Variants in GPC5 observed in about 807,000 individuals in gnomAD.
The protein encoded by GPC5 is glypican 5.
GPC5 carries 47 observed loss-of-function variants against 53.9 expected under a neutral mutation model. The observed-to-expected ratio is 0.87, with a 90% CI of 0.69 to 1.11. GPC5 has a LOEUF of 1.11. GPC5 is among the 50% of genes most tolerant of loss of function. The pLI, the probability that GPC5 is intolerant of heterozygous loss-of-function variation, is 0.00. For missense variants in GPC5, 748 were observed against 713.1 expected (o/e 1.05, Z -0.56); for synonymous variants, 286 against 263.3 (o/e 1.09, Z -0.84).
chr13:92,090,541 C>A (rs1164483830), intron 6 of GPC5, among the ~76,000 whole-genome samples: 1 of 152,116 alleles, frequency 6.6e-6, no homozygotes, highest in East Asian at 1.9e-4. Context: ...TCTAGGACTT[C>A]CCACCCTCCA....
At chr13:92,527,706 C>G (rs1881416756) in intron 7 of GPC5, among the ~76,000 whole-genome samples, 1 of 152,092 alleles carries the variant, frequency 6.6e-6, no homozygotes, top group African/African-American at 2.4e-5. Context: ...GAACTTATTG[C>G]AACCACTTCC....
At chr13:91,649,340 C>G (rs1196150983) in intron 2 of GPC5, among the ~76,000 whole-genome samples, 1 of 152,082 alleles carries the variant, frequency 6.6e-6, no homozygotes, top group Non-Finnish European at 1.5e-5. Flanking sequence ...TTGGATATAC[C>G]ACATTACACA....
intron 2 of GPC5, among the ~76,000 whole-genome samples, chr13:91,658,684 A>C (rs2034907712): frequency 6.6e-6 from 1 of 152,200 alleles, no homozygotes; most frequent in Non-Finnish European, 1.5e-5. Flanking sequence ...TGCCATTATT[A>C]GCTAAGCTTC....
At chr13:91,629,035 T>C (rs1594353414) in intron 2 of GPC5, among the ~76,000 whole-genome samples, 1 of 152,184 alleles carries the variant, frequency 6.6e-6, no homozygotes, top group Non-Finnish European at 1.5e-5. Flanking sequence ...TTACAGATAA[T>C]AGATACGTAA....
chr13:91,985,967 C>G (rs1161404957), intron 6 of GPC5, among the ~76,000 whole-genome samples: 1 of 151,672 alleles, frequency 6.6e-6, no homozygotes, highest in Non-Finnish European at 1.5e-5. Flanking sequence ...CTGATCCCAG[C>G]CAACTTCTCA....
intron 2 of GPC5, among the ~76,000 whole-genome samples, chr13:91,674,611 ATGTGTATATATACGCATATATATGCG>A: frequency 6.8e-6 from 1 of 147,088 alleles, no homozygotes; most frequent in African/African-American, 2.5e-5. Context: ...ATATATGCGT[ATGTGTATATATACGCATATATATGCG>A]TATGTGTATT....
chr13:92,389,551 T>C (rs923794158), intron 7 of GPC5, among the ~76,000 whole-genome samples: 1 of 152,156 alleles, frequency 6.6e-6, no homozygotes, highest in African/African-American at 2.4e-5. Flanking sequence ...CTGATAAACT[T>C]ACTACCAGTA....
At chr13:91,818,125 C>T (rs1284952105) in intron 5 of GPC5, among the ~76,000 whole-genome samples, 1 of 152,154 alleles carries the variant, frequency 6.6e-6, no homozygotes, top group Non-Finnish European at 1.5e-5. Context: ...ACAGCATTAC[C>T]TACCACATAT....
chr13:92,255,668 CTTCA>C (rs1474084781), intron 7 of GPC5, among the ~76,000 whole-genome samples: 3 of 152,166 alleles, frequency 2.0e-5, no homozygotes, highest in African/African-American at 7.2e-5. Flanking sequence ...GTCTGGATTT[CTTCA>C]TTAGATCTCT....
chr13:91,459,069 GAGGGGGGTGAGGGATAAAAGAC>G (rs1442550005), intron 2 of GPC5, among the ~76,000 whole-genome samples: 7 of 151,978 alleles, frequency 4.6e-5, no homozygotes, highest in African/African-American at 1.4e-4. Context: ...GGAAGGGTGG[GAGGGGGGTGAGGGATAAAAGAC>G]TACACTGGGT....
At chr13:92,560,857 ATG>A (rs34114433) in intron 7 of GPC5, among the ~76,000 whole-genome samples, 5,552 of 139,172 alleles carry the variant, frequency 0.04, 211 homozygotes, top group African/African-American at 0.096. Flanking sequence ...AGAAAATTAT[ATG>A]TGTGTGTGTG....
In GPC5 at chr13:91,988,755, G is replaced by A. The variant is rs117035316; in HGVS notation, c.1401+80698G>A. Among the ~76,000 whole-genome samples, 123 of 152,100 alleles carry A rather than the reference G, an allele frequency of 8.1e-4. 1 individual carries two copies. In the East Asian group the frequency reaches 0.012, roughly 15 times the overall value. On this transcript the variant is annotated intron_variant, in intron 6 of 7. Coordinates refer to ENST00000377067, the MANE Select transcript of GPC5 (RefSeq NM_004466.6). ...ATTTTAGAGACCCATTTTCCATCAA[G>A]CTTTAAGGTCTGTTATCTGGAAATT...
intron 6 of GPC5, among the ~76,000 whole-genome samples, chr13:92,117,636 T>A (rs189412138): frequency 8.3e-4 from 126 of 152,308 alleles, no homozygotes; most frequent in Middle Eastern, 6.8e-3. Flanking sequence ...TCTCTCCTTC[T>A]ATTAATGTTA....
chr13:92,857,651 G>A (rs1405043551), intron 7 of GPC5, among the ~76,000 whole-genome samples: 1 of 151,986 alleles, frequency 6.6e-6, no homozygotes, highest in Non-Finnish European at 1.5e-5. Context: ...ATCAAAAAGT[G>A]GGCAAAGTAC....
chr13:92,694,534 T>C (rs1887504315), intron 7 of GPC5, among the ~76,000 whole-genome samples: 1 of 152,190 alleles, frequency 6.6e-6, no homozygotes, highest in Non-Finnish European at 1.5e-5. Flanking sequence ...TGACTGCCTC[T>C]CTGTATTTTG....
At chr13:91,869,482 G>C (rs2039120373) in intron 5 of GPC5, among the ~76,000 whole-genome samples, 1 of 152,116 alleles carries the variant, frequency 6.6e-6, no homozygotes, top group Non-Finnish European at 1.5e-5. Flanking sequence ...TATAAATTGG[G>C]TATAACTTTA....
At chr13:92,245,442 A>C (rs2042643455) in intron 7 of GPC5, among the ~76,000 whole-genome samples, 1 of 152,196 alleles carries the variant, frequency 6.6e-6, no homozygotes, top group Non-Finnish European at 1.5e-5. Flanking sequence ...AAAAGTAAAA[A>C]ATTAATCTGT....
At chr13:92,300,824 A>G (rs2043070419) in intron 7 of GPC5, among the ~76,000 whole-genome samples, 7 of 152,220 alleles carry the variant, frequency 4.6e-5, no homozygotes, top group Admixed American at 4.6e-4. Context: ...TTAGGAAGTG[A>G]TGTAGGGATG....
chr13:92,814,803 A>T (rs1594525048), intron 7 of GPC5, among the ~76,000 whole-genome samples: 1 of 152,136 alleles, frequency 6.6e-6, no homozygotes, highest in East Asian at 1.9e-4. Flanking sequence ...TAAAAAGAAT[A>T]CATTATCAAA....
Sources: gnomAD v4.1 joint callset for allele counts (sites outside exome capture counted in the v4.1 genomes callset) on GRCh38, gnomAD v4.1.1 for gene constraint, MANE v1.5 for transcripts, NCBI Gene and HGNC (gene_info 2026-07-23, HGNC 2026-07-21) for gene names.